The following MACROD2 variants were observed in gnomAD, a reference collection of about 807,000 sequenced individuals.
MACROD2 encodes the protein ADP-ribose glycohydrolase MACROD2.
Under a neutral mutation model 70.4 loss-of-function variants are expected in MACROD2, and 36 were observed. That is an observed-to-expected ratio of 0.51 (90% confidence interval 0.39 to 0.68). The LOEUF (loss-of-function observed/expected upper bound fraction) is 0.68. Among genes scored for constraint, MACROD2 ranks in the 30% least tolerant of loss-of-function variants. The pLI is 0.00. For synonymous variants in MACROD2, 172 were observed against 178.8 expected, an observed-to-expected ratio of 0.96 and a Z score of 0.30; for missense variants, 496 against 538.4, an observed-to-expected ratio of 0.92 and a Z score of 0.78.
chr20:15,873,537 A>T (rs1404423032), intron 9 of MACROD2, among the ~76,000 whole-genome samples: 1 of 152,140 alleles, frequency 6.6e-6, no homozygotes. Flanking sequence ...TTATTGATTT[A>T]TAAGAACTCT....
intron 5 of MACROD2, among the ~76,000 whole-genome samples, chr20:15,058,724 G>A (rs897139424): frequency 1.3e-5 from 2 of 152,130 alleles, no homozygotes; most frequent in African/African-American, 4.8e-5. Flanking sequence ...GCTTCGTAGA[G>A]CAACTGAATA....
chr20:15,172,852 C>G (rs1239853820), intron 5 of MACROD2, among the ~76,000 whole-genome samples: 2 of 152,178 alleles, frequency 1.3e-5, no homozygotes, highest in Admixed American at 1.3e-4. Flanking sequence ...ATTGGGGAAG[C>G]ATTACTGTGT....
At chr20:15,153,254 A>G (rs538955237) in intron 5 of MACROD2, among the ~76,000 whole-genome samples, 1 of 152,034 alleles carries the variant, frequency 6.6e-6, no homozygotes, top group Non-Finnish European at 1.5e-5. Flanking sequence ...AAAGAGAGTC[A>G]GTGAAGGGAG....
At chr20:15,294,767 G>A (rs911733157) in intron 6 of MACROD2, among the ~76,000 whole-genome samples, 62 of 152,130 alleles carry the variant, frequency 4.1e-4, no homozygotes, top group African/African-American at 1.4e-3. Flanking sequence ...TGGAATTGAC[G>A]TTCTTGGTTT....
chr20:15,560,985 T>C (rs2048236539), intron 8 of MACROD2, among the ~76,000 whole-genome samples: 1 of 152,124 alleles, frequency 6.6e-6, no homozygotes, highest in Non-Finnish European at 1.5e-5. Context: ...GAGCTCTTAC[T>C]TAAATTATTT....
At chr20:15,724,640 C>T (rs1182224506) in intron 8 of MACROD2, among the ~76,000 whole-genome samples, 1 of 152,124 alleles carries the variant, frequency 6.6e-6, no homozygotes, top group East Asian at 1.9e-4. Context: ...TTCCATTGAT[C>T]TATTTGTATA....
intron 4 of MACROD2, among the ~76,000 whole-genome samples, chr20:14,646,386 T>C (rs1052640314): frequency 1.3e-5 from 2 of 152,066 alleles, no homozygotes; most frequent in African/African-American, 2.4e-5. Flanking sequence ...TTCTCAAGTG[T>C]TTTTCCCCAA....
chr20:15,337,439 CT>C (rs2078060541), intron 6 of MACROD2, among the ~76,000 whole-genome samples: 1 of 151,490 alleles, frequency 6.6e-6, no homozygotes, highest in East Asian at 1.9e-4. Flanking sequence ...CTTAGTTTTT[CT>C]TTTAAGATTT....
At chr20:15,836,767 C>T (rs541557569) in intron 8 of MACROD2, among the ~76,000 whole-genome samples, 38 of 152,250 alleles carry the variant, frequency 2.5e-4, no homozygotes, top group Non-Finnish European at 3.8e-4. Context: ...CCATGAGCTG[C>T]GCAGTAAGAA....
In MACROD2 at chr20:14,685,962, A is replaced by G. The variant is rs1221716874; in HGVS notation, c.418+1003A>G. Among the ~76,000 whole-genome samples, 5 of 152,196 alleles carry G rather than the reference A, an allele frequency of 3.3e-5. No individual in the cohort carries two copies. In the East Asian group the frequency reaches 9.6e-4, roughly 29 times the overall value. The stretch of plus-strand genomic sequence containing the variant: ...GTGTGAATGGAGAATAGCGTGTTAT[A>G]TTTTAAAGATTACTGTAAAGGTATG... On this transcript the variant is annotated intron_variant, in intron 5 of 17. Transcript: ENST00000684519.
chr20:15,533,571 C>G (rs1441094609), intron 8 of MACROD2, among the ~76,000 whole-genome samples: 1 of 132,010 alleles, frequency 7.6e-6, no homozygotes, highest in Non-Finnish European at 1.7e-5. Context: ...CTCTCTCTCT[C>G]TCTCTCTCTC....
intron 5 of MACROD2, among the ~76,000 whole-genome samples, chr20:14,722,906 A>G (rs1365657849): frequency 6.6e-6 from 1 of 152,172 alleles, no homozygotes; most frequent in Non-Finnish European, 1.5e-5. Flanking sequence ...AATAATTATA[A>G]TAACATAAGA....
At chr20:15,195,313 G>A (rs1376955317) in intron 5 of MACROD2, among the ~76,000 whole-genome samples, 2 of 151,884 alleles carry the variant, frequency 1.3e-5, no homozygotes, top group Admixed American at 6.6e-5. Context: ...CAGAATGGAC[G>A]AAAATTTTTG....
chr20:15,966,679 T>C (rs1289694602), intron 12 of MACROD2, among the ~76,000 whole-genome samples: 3 of 152,148 alleles, frequency 2.0e-5, no homozygotes, highest in Admixed American at 2.0e-4. Context: ...GAGTTTGAGG[T>C]TGCAGCGAGC....
intron 5 of MACROD2, among the ~76,000 whole-genome samples, chr20:15,002,634 C>T (rs1453577591): frequency 6.6e-6 from 1 of 152,088 alleles, no homozygotes; most frequent in Non-Finnish European, 1.5e-5. Context: ...GACTCAAATT[C>T]CTATGGGGAC....
intron 3 of MACROD2, among the ~76,000 whole-genome samples, chr20:14,261,522 C>T (rs557820295): frequency 8.7e-4 from 133 of 152,120 alleles, no homozygotes; most frequent in Non-Finnish European, 1.5e-3. Flanking sequence ...ATCACTACAT[C>T]TGTTATCTAC....
At chr20:15,781,389 T>C (rs987407064) in intron 8 of MACROD2, among the ~76,000 whole-genome samples, 1 of 152,292 alleles carries the variant, frequency 6.6e-6, no homozygotes, top group South Asian at 2.1e-4. Flanking sequence ...CCTGGGCAAA[T>C]GTCTGTGCTG....
intron 3 of MACROD2, among the ~76,000 whole-genome samples, chr20:14,366,368 T>C: frequency 7.8e-6 from 1 of 128,180 alleles, no homozygotes; most frequent in East Asian, 2.2e-4. Flanking sequence ...TTGTAACTTG[T>C]AACTTTTTTT....
At chr20:15,361,422 C>T (rs1220440167) in intron 6 of MACROD2, among the ~76,000 whole-genome samples, 1 of 152,166 alleles carries the variant, frequency 6.6e-6, no homozygotes, top group Admixed American at 6.5e-5. Context: ...ATGTATTGAT[C>T]TTGTGTCAGC....
Sources: gnomAD v4.1 joint callset for allele counts (sites outside exome capture counted in the v4.1 genomes callset) on GRCh38, gnomAD v4.1.1 for gene constraint, MANE v1.5 for transcripts, NCBI Gene and HGNC (gene_info 2026-07-23, HGNC 2026-07-21) for gene names.